ROS1: variants seen among roughly 807,000 people sequenced by gnomAD.
ROS1 encodes proto-oncogene tyrosine-protein kinase ROS.
Under a neutral mutation model 273.5 loss-of-function variants are expected in ROS1, and 263 were observed. The observed-to-expected ratio is 0.96, with a 90% confidence interval of 0.87 to 1.06. The LOEUF (loss-of-function observed/expected upper bound fraction) is 1.06, where lower values mean the gene tolerates loss of function less well. Ranked by LOEUF, ROS1 falls within the 50% of genes least tolerant of loss-of-function variation. The pLI, the probability that ROS1 is intolerant of heterozygous loss-of-function variation, is 0.00. For missense variants in ROS1, 2,833 were observed against 2,751.1 expected, an observed-to-expected ratio of 1.03 and a Z score of -0.67; for synonymous variants, 1,008 against 954.1, an observed-to-expected ratio of 1.06 and a Z score of -1.04.
At chr6:117,349,763 T>A (rs909150567) in intron 27 of ROS1, among the ~76,000 whole-genome samples, 13 of 152,116 alleles carry the variant, frequency 8.5e-5, no homozygotes, top group Middle Eastern at 3.4e-3. Flanking sequence ...TTTTCAGTGA[T>A]TTGCCCTTGA....
At position 117,409,566 on chromosome 6, in the gene ROS1, G is replaced by C; in HGVS notation, c.316+16C>G. 1 of 1,605,100 alleles carries C rather than the reference G, an allele frequency of 6.2e-7. No homozygotes were observed. The highest frequency in any genetic ancestry group is 1.7e-5 in the Admixed American group (1 of 59,948). ...TGGTGCAGCCTATTTTTTAAAAGTCGTGTGTGTCCTCTTACCCAGTACTTC... is the reference window on the plus strand; with the variant it reads ...TGGTGCAGCCTATTTTTTAAAAGTCCTGTGTGTCCTCTTACCCAGTACTTC... On this transcript the variant is annotated intron_variant, in intron 5 of 43. Transcript: ENST00000368507.
intron 27 of ROS1, among the ~76,000 whole-genome samples, chr6:117,347,278 A>T (rs959996218): frequency 1.3e-5 from 2 of 151,962 alleles, no homozygotes; most frequent in Non-Finnish European, 2.9e-5. Context: ...ATTTTTGTGC[A>T]TATGCTGTTA....
intron 7 of ROS1, among the ~76,000 whole-genome samples, chr6:117,397,965 C>T (rs1773631654): frequency 6.6e-6 from 1 of 152,290 alleles, no homozygotes; most frequent in East Asian, 1.9e-4. Flanking sequence ...GGCAAATGCT[C>T]TGCATCACCA....
chr6:117,306,198 A>T (rs1775089855), intron 42 of ROS1, among the ~76,000 whole-genome samples: 1 of 152,154 alleles, frequency 6.6e-6, no homozygotes, highest in Non-Finnish European at 1.5e-5. Flanking sequence ...AGGTATTTAA[A>T]CAAAGTACAT....
At chr6:117,419,654 A>G (rs951656160) in intron 1 of ROS1, among the ~76,000 whole-genome samples, 2 of 152,194 alleles carry the variant, frequency 1.3e-5, no homozygotes. Context: ...AAATCAGGTG[A>G]GAGATAATGA....
At chr6:117,367,021 G>A (rs1355843408) in intron 18 of ROS1, among the ~76,000 whole-genome samples, 1 of 152,160 alleles carries the variant, frequency 6.6e-6, no homozygotes, top group Non-Finnish European at 1.5e-5. Context: ...ATGAGGCAAG[G>A]TTCTTACAGG....
At chr6:117,316,442 ACTTGT>A (rs113523173) in intron 39 of ROS1, among the ~76,000 whole-genome samples, 5,284 of 128,280 alleles carry the variant, frequency 0.041, 222 homozygotes, top group African/African-American at 0.11. Flanking sequence ...AACTTTGCTG[ACTTGT>A]CTTATCTTAC....
chr6:117,300,161 C>T (rs138677749), intron 43 of ROS1, among the ~76,000 whole-genome samples: 1,755 of 132,122 alleles, frequency 0.013, 11 homozygotes, highest in Non-Finnish European at 0.022. Context: ...CTGTGTTAGC[C>T]AGGATGCTCT....
At chr6:117,340,805 T>G (rs976331206) in intron 31 of ROS1, among the ~76,000 whole-genome samples, 3 of 152,026 alleles carry the variant, frequency 2.0e-5, no homozygotes, top group African/African-American at 7.3e-5. Flanking sequence ...CAGTTCTTTT[T>G]CATTTTTTTT....
At chr6:117,406,786 C>A (rs7776244) in intron 5 of ROS1, among the ~76,000 whole-genome samples, 80,972 of 151,634 alleles carry the variant, frequency 0.53, 22,225 homozygotes, top group African/African-American at 0.66. Context: ...GAAACAAATA[C>A]GAAATTGAAA....
intron 22 of ROS1, among the ~76,000 whole-genome samples, chr6:117,361,371 A>G (rs959776194): frequency 6.6e-6 from 1 of 150,822 alleles, no homozygotes; most frequent in East Asian, 1.9e-4. Context: ...TTAGTATTAA[A>G]CATATTTTAC....
At position 117,389,343 on chromosome 6, in the gene ROS1, C is replaced by G. The variant is rs1320232058; in HGVS notation, c.1786+7G>C. ...GCCAGTAACCACACTGGGGACAGAG[C>G]ACTCACTGGCTCCTATGGCAAGGGC... On this transcript the variant is annotated splice_region_variant and intron_variant, in intron 13 of 43. Coordinates refer to ENST00000368507, the MANE Select transcript of ROS1 (RefSeq NM_001378902.1). 1 of 1,608,434 alleles carries G rather than the reference C, an allele frequency of 6.2e-7. No individual in the cohort carries two copies. Among genetic ancestry groups the G allele is most frequent in the Middle Eastern group, 1.7e-4 (1 of 6,004 alleles).
chr6:117,310,910 G>T, intron 40 of ROS1, 110 bp downstream of exon 40: 1 of 605,202 alleles, frequency 1.7e-6, no homozygotes. Flanking sequence ...AGAAATTATT[G>T]CTAGTTTGAA....
chr6:117,421,603 T>G (rs1033683555), intron 1 of ROS1, among the ~76,000 whole-genome samples: 2 of 152,322 alleles, frequency 1.3e-5, no homozygotes, highest in Non-Finnish European at 1.5e-5. Context: ...TTTCATTCCT[T>G]TTTATGGCTG....
intron 1 of ROS1, among the ~76,000 whole-genome samples, chr6:117,419,579 G>A (rs185893046): frequency 2.6e-5 from 4 of 152,240 alleles, no homozygotes; most frequent in Admixed American, 2.6e-4. Flanking sequence ...TTTTGCAACC[G>A]AGTGCTTAAT....
chr6:117,310,012 T>C lies in ROS1; in HGVS notation c.6416+69A>G, dbSNP rs1775413532. 4 of 1,333,188 alleles carry C rather than the reference T, an allele frequency of 3.0e-6. No individual in the cohort carries two copies. The African/African-American group carries it at 4.3e-5, about 14-fold the overall frequency. The allele number at this position is 1,333,188 out of a possible 1,614,324, so 82.6% of individuals were successfully genotyped here. A position where few individuals can be genotyped will look rare whatever the true frequency, so the allele number is the denominator to read the frequency against. On this transcript the variant is annotated intron_variant, in intron 41 of 43. Coordinates refer to ENST00000368507, the MANE Select transcript of ROS1 (RefSeq NM_001378902.1). Reference sequence around the variant, plus strand: ...CTCACATTAAAAAAGCAAGATTAGATGTCCTTTTAAAATCCCCTCTAATGT... The same window carrying C: ...CTCACATTAAAAAAGCAAGATTAGACGTCCTTTTAAAATCCCCTCTAATGT...
chr6:117,383,515 A>G lies in ROS1; in HGVS notation c.2290-7T>C. 3 of 1,609,384 alleles carry G rather than the reference A, an allele frequency of 1.9e-6. No homozygotes were observed. Among genetic ancestry groups the G allele is most frequent in the Non-Finnish European group, 2.6e-6 (3 of 1,175,794 alleles). On this transcript the variant is annotated splice_region_variant and splice_polypyrimidine_tract_variant and intron_variant, in intron 16 of 43. Coordinates refer to ENST00000368507, the MANE Select transcript of ROS1 (RefSeq NM_001378902.1). ...ACACAGACTGCCTTTGTATCTAAAA[A>G]ACATAATTGTATGGCCAGTTAATGG...
At chr6:117,391,667 C>G (rs960083831) in intron 12 of ROS1, among the ~76,000 whole-genome samples, 1 of 152,114 alleles carries the variant, frequency 6.6e-6, no homozygotes, top group Admixed American at 6.5e-5. Flanking sequence ...TTTATAGAAA[C>G]TCTCCTATCA....
chr6:117,364,209 C>T (rs998917710), intron 21 of ROS1, among the ~76,000 whole-genome samples: 2 of 152,122 alleles, frequency 1.3e-5, no homozygotes, highest in African/African-American at 4.8e-5. Flanking sequence ...TTGTGTAATT[C>T]GTAGATGGAT....
Sources: allele counts gnomAD v4.1 joint callset (sites outside exome capture counted in the v4.1 genomes callset), GRCh38; gene constraint gnomAD v4.1.1; transcripts MANE v1.5; gene names NCBI Gene and HGNC (gene_info 2026-07-23, HGNC 2026-07-21).